The following ABCA12 variants were observed in gnomAD, a reference collection of about 807,000 sequenced individuals.
ABCA12 encodes glucosylceramide transporter ABCA12.
Under a neutral mutation model 293.5 loss-of-function variants are expected in ABCA12, and 156 were observed. The observed-to-expected ratio is 0.53, with a 90% confidence interval of 0.47 to 0.61. The LOEUF (loss-of-function observed/expected upper bound fraction) is 0.61, where lower values mean the gene tolerates loss of function less well. ABCA12 is among the 20% of genes least tolerant of loss of function. ABCA12 has a pLI of 0.00. For missense variants in ABCA12, 2,797 were observed against 3,090.2 expected, an observed-to-expected ratio of 0.91 and a Z score of 2.25; for synonymous variants, 1,063 against 1,108.0, an observed-to-expected ratio of 0.96 and a Z score of 0.81.
chr2:215,132,222 G>T (rs1703074795), intron 1 of ABCA12, among the ~76,000 whole-genome samples: 1 of 152,004 alleles, frequency 6.6e-6, no homozygotes, highest in African/African-American at 2.4e-5. Context: ...CAGTTGTTGG[G>T]TATAATGTTC....
At chr2:214,977,764 T>C (rs1699550496) in intron 33 of ABCA12, among the ~76,000 whole-genome samples, 1 of 152,100 alleles carries the variant, frequency 6.6e-6, no homozygotes, top group Non-Finnish European at 1.5e-5. Flanking sequence ...CCAAATTAAT[T>C]AACTCAGAAA....
chr2:215,065,371 A>G (rs2106075211), intron 2 of ABCA12, among the ~76,000 whole-genome samples: 1 of 151,116 alleles, frequency 6.6e-6, no homozygotes, highest in Non-Finnish European at 1.5e-5. Flanking sequence ...GAAAGGAGAA[A>G]AGTAAAAAAA....
intron 41 of ABCA12, among the ~76,000 whole-genome samples, chr2:214,957,889 A>G (rs192172197): frequency 1.1e-3 from 174 of 152,330 alleles, no homozygotes; most frequent in Non-Finnish European, 1.6e-3. Context: ...TTACGTAAGG[A>G]TATTTTGCTG....
At chr2:215,036,220 A>G (rs1700988505) in intron 8 of ABCA12, among the ~76,000 whole-genome samples, 1 of 152,240 alleles carries the variant, frequency 6.6e-6, no homozygotes, top group South Asian at 2.1e-4. Flanking sequence ...AAGCCTTCAC[A>G]GGCATGCTTT....
intron 50 of ABCA12, among the ~76,000 whole-genome samples, 159 bp downstream of exon 50, chr2:214,942,766 A>G (rs998431996): frequency 6.6e-6 from 1 of 152,230 alleles, no homozygotes; most frequent in African/African-American, 2.4e-5. Context: ...CCCCAATAAA[A>G]TAATTTAAAT....
At chr2:215,079,246 C>G (rs1199263938) in intron 2 of ABCA12, among the ~76,000 whole-genome samples, 1 of 152,154 alleles carries the variant, frequency 6.6e-6, no homozygotes, top group Non-Finnish European at 1.5e-5. Context: ...CAATATAGCA[C>G]ACAAGAAAAT....
rs1455055310 is a variant in ABCA12 at position 214,934,166 on chromosome 2, C to A, written c.7592G>T (p.Gly2531Val). 5.6e-6 allele frequency: 9 copies of A among 1,613,642 alleles called. No homozygotes were observed. Among genetic ancestry groups the A allele is most frequent in the Non-Finnish European group, 7.6e-6 (9 of 1,179,814 alleles). Residue 2531 changes from glycine to valine, a missense_variant, in exon 52 of 53, where the codon GGA becomes GTA. Transcript: ENST00000272895. ...CAGCAGATCAAAAATGTTTGCGACT[C>A]CTCCTGCTGTGACTGGTACATGATA... ...LEYHVPVTAG[G>V]VANIFDLLET...
At chr2:215,041,435 C>A (rs182530201) in intron 7 of ABCA12, among the ~76,000 whole-genome samples, 1 of 152,048 alleles carries the variant, frequency 6.6e-6, no homozygotes, top group Admixed American at 6.6e-5. Flanking sequence ...GCCTGTAGTC[C>A]CAGCTACTCG....
chr2:215,005,739 A>G (rs1381720257), intron 19 of ABCA12, among the ~76,000 whole-genome samples: 2 of 152,198 alleles, frequency 1.3e-5, no homozygotes, highest in Non-Finnish European at 2.9e-5. Flanking sequence ...AATAGGTACA[A>G]TGTATATTAT....
chr2:215,046,856 AAT>A (rs981023345), intron 6 of ABCA12, among the ~76,000 whole-genome samples: 45 of 152,092 alleles, frequency 3.0e-4, no homozygotes, highest in African/African-American at 1.0e-3. Flanking sequence ...GGATAAAGAA[AAT>A]ATGACACTAT....
intron 1 of ABCA12, among the ~76,000 whole-genome samples, chr2:215,134,072 A>G (rs60364583): frequency 0.047 from 7,211 of 151,974 alleles, 558 homozygotes; most frequent in African/African-American, 0.17. Flanking sequence ...AAAGAGAGAG[A>G]CATTTACTCC....
At chr2:214,933,272 A>C (rs537867381) in intron 52 of ABCA12, among the ~76,000 whole-genome samples, 2 of 152,328 alleles carry the variant, frequency 1.3e-5, no homozygotes, top group African/African-American at 4.8e-5. Context: ...TAAATCTATT[A>C]GTCATAGTTT....
chr2:215,001,800 T>A, intron 20 of ABCA12, 63 bp from the exon 21 acceptor site: 1 of 1,412,454 alleles, frequency 7.1e-7, no homozygotes, highest in South Asian at 1.2e-5. Flanking sequence ...CGTAATTAGA[T>A]GAAATACTGA....
intron 11 of ABCA12, among the ~76,000 whole-genome samples, chr2:215,020,125 TC>T (rs1700594950): frequency 6.6e-6 from 1 of 152,136 alleles, no homozygotes; most frequent in Non-Finnish European, 1.5e-5. Flanking sequence ...ATATTTTAAA[TC>T]ATATGTAAGG....
intron 1 of ABCA12, among the ~76,000 whole-genome samples, chr2:215,134,621 AG>A (rs1703167980): frequency 1.0e-5 from 1 of 96,766 alleles, no homozygotes; most frequent in East Asian, 2.3e-4. Flanking sequence ...ATATATAGAG[AG>A]AGAGAGAGAG....
At chr2:214,958,782 T>C (rs926129323) in intron 40 of ABCA12, among the ~76,000 whole-genome samples, 3 of 152,186 alleles carry the variant, frequency 2.0e-5, no homozygotes, top group African/African-American at 7.2e-5. Context: ...TGAAGTGATG[T>C]AGCACTTATC....
Position 215,014,040 on chromosome 2 carries a change from G to C in ABCA12, c.1956+1450C>G, listed in dbSNP as rs182296062. 7.2e-5 allele frequency among the ~76,000 whole-genome samples: 11 copies of C among 152,162 alleles called. No individual in the cohort carries two copies. The South Asian group carries it at 2.3e-3, about 32-fold the overall frequency. ...TATTAAAAATACAAAAATTAGCCGG[G>C]TGTGGTAGCACACATTTGTAATCCC... is the stretch of plus-strand genomic sequence containing the variant. On this transcript the variant is annotated intron_variant, in intron 15 of 52. Transcript: ENST00000272895.
intron 39 of ABCA12, among the ~76,000 whole-genome samples, chr2:214,966,319 G>A (rs1414833510): frequency 6.6e-6 from 1 of 152,168 alleles, no homozygotes; most frequent in African/African-American, 2.4e-5. Context: ...GCGTTGATAT[G>A]TGCAGCAAAC....
intron 2 of ABCA12, among the ~76,000 whole-genome samples, chr2:215,103,150 T>G (rs1702391331): frequency 6.6e-6 from 1 of 152,150 alleles, no homozygotes; most frequent in South Asian, 2.1e-4. Flanking sequence ...GCTTGATTGC[T>G]GTGAGGGCTC....
Sources: allele counts gnomAD v4.1 joint callset (sites outside exome capture counted in the v4.1 genomes callset), GRCh38; gene constraint gnomAD v4.1.1; transcripts MANE v1.5; gene names NCBI Gene and HGNC (gene_info 2026-07-23, HGNC 2026-07-21).